Variants in DAB1 observed in about 807,000 individuals in gnomAD.
The protein encoded by DAB1 is DAB adaptor protein 1, also known as disabled homolog 1.
DAB1 carries 15 observed loss-of-function variants against 64.6 expected under a neutral mutation model. The observed-to-expected ratio is 0.23, with a 90% confidence interval of 0.16 to 0.36. DAB1 has a LOEUF of 0.36. Ranked by LOEUF, DAB1 falls within the 10% of genes least tolerant of loss-of-function variation. DAB1 has a pLI of 1.00. For missense variants in DAB1, 596 were observed against 706.7 expected (o/e 0.84, Z 1.78); for synonymous variants, 235 against 251.9 (o/e 0.93, Z 0.64).
chr1:58,179,416 A>C (rs1656659942), intron 4 of DAB1, among the ~76,000 whole-genome samples: 1 of 152,146 alleles, frequency 6.6e-6, no homozygotes, highest in Non-Finnish European at 1.5e-5. Flanking sequence ...ATTGGCATTA[A>C]TTCTTTTTTA....
chr1:57,312,498 G>A (rs185285901), intron 1 of DAB1, among the ~76,000 whole-genome samples: 159 of 152,260 alleles, frequency 1.0e-3, no homozygotes, highest in South Asian at 6.0e-3. Flanking sequence ...AGCAGATGCC[G>A]TCTACAATAA....
At chr1:57,941,987 A>C (rs1443608693) in intron 5 of DAB1, among the ~76,000 whole-genome samples, 1 of 152,206 alleles carries the variant, frequency 6.6e-6, no homozygotes, top group African/African-American at 2.4e-5. Flanking sequence ...CAGTTTTTTC[A>C]TCTGTAAAAT....
intron 7 of DAB1, among the ~76,000 whole-genome samples, chr1:57,616,564 G>A (rs1645792242): frequency 1.3e-5 from 2 of 152,080 alleles, no homozygotes; most frequent in South Asian, 2.1e-4. Flanking sequence ...ATAATGTTCT[G>A]TAGGTACTTA....
rs1656956326 is a variant in DAB1, at chr1:58,184,291, TATAAC to T, written n.310-33708_310-33704del. On this transcript the variant is annotated intron_variant and non_coding_transcript_variant, in intron 4 of 20. Coordinates refer to the DAB1 transcript ENST00000485760. ...TTTTAAAAATATATAACATATGATATATAACATAATAATATATATTAATAATATAT... is the reference window on the plus strand; with the variant it reads ...TTTTAAAAATATATAACATATGATATATAATAATATATATTAATAATATAT... Among the ~76,000 whole-genome samples, 9 of 148,406 alleles carry T rather than the reference TATAAC, an allele frequency of 6.1e-5. No homozygotes were observed. The South Asian group carries it at 1.9e-3, about 31-fold the overall frequency.
At chr1:58,534,819 C>T (rs1269566907) in intron 1 of DAB1, among the ~76,000 whole-genome samples, 1 of 152,086 alleles carries the variant, frequency 6.6e-6, no homozygotes, top group Non-Finnish European at 1.5e-5. Context: ...ACCTGTGTTC[C>T]CAGCTACATG....
intron 3 of DAB1, among the ~76,000 whole-genome samples, chr1:58,426,976 G>A (rs1472254195): frequency 6.6e-6 from 1 of 152,088 alleles, no homozygotes; most frequent in Non-Finnish European, 1.5e-5. Context: ...AAGAGGTGAG[G>A]GCATATTCAC....
chr1:58,416,274 T>C (rs1644719065), intron 3 of DAB1, among the ~76,000 whole-genome samples: 1 of 152,188 alleles, frequency 6.6e-6, no homozygotes, highest in Non-Finnish European at 1.5e-5. Flanking sequence ...GGGTTCAAGC[T>C]CTGAACCTAT....
intron 5 of DAB1, among the ~76,000 whole-genome samples, chr1:58,011,377 A>G (rs916502683): frequency 5.9e-5 from 9 of 152,198 alleles, no homozygotes; most frequent in South Asian, 2.1e-4. Context: ...TTCATCTTAA[A>G]TCAAGGCCTA....
chr1:57,750,554 G>T lies in DAB1; in HGVS notation n.552-100889C>A, dbSNP rs541237472. Among the ~76,000 whole-genome samples the T allele has an allele frequency of 2.6e-5, 4 of 152,188 alleles. No homozygotes were observed. In the East Asian group the frequency reaches 7.7e-4, roughly 29 times the overall value. ...TCAATGAAATAATAAATGTTAAAAG[G>T]TCTATCCCAGTCCCTAGATTGCATA... On this transcript the variant is annotated intron_variant and non_coding_transcript_variant, in intron 6 of 20. Coordinates refer to the DAB1 transcript ENST00000485760.
intron 2 of DAB1, among the ~76,000 whole-genome samples, chr1:57,224,065 T>A (rs1667083850): frequency 1.3e-5 from 2 of 152,166 alleles, no homozygotes; most frequent in African/African-American, 4.8e-5. Flanking sequence ...ACACTGCTAT[T>A]GCTAGTTTGT....
intron 3 of DAB1, among the ~76,000 whole-genome samples, chr1:57,144,609 G>T (rs1658930105): frequency 6.6e-6 from 1 of 151,474 alleles, no homozygotes; most frequent in Admixed American, 6.6e-5. Flanking sequence ...CAGGAGAATT[G>T]CTTGAACCCA....
intron 6 of DAB1, among the ~76,000 whole-genome samples, chr1:57,739,278 C>T (rs914443639): frequency 6.6e-6 from 1 of 152,020 alleles, no homozygotes; most frequent in Admixed American, 6.5e-5. Context: ...CCTGTGTGAA[C>T]CTGACTTCAC....
At chr1:57,687,889 C>A (rs1646719744) in intron 6 of DAB1, among the ~76,000 whole-genome samples, 1 of 152,072 alleles carries the variant, frequency 6.6e-6, no homozygotes, top group African/African-American at 2.4e-5. Flanking sequence ...ACTAGACCCA[C>A]TACTTTTCAG....
intron 11 of DAB1, among the ~76,000 whole-genome samples, chr1:57,016,998 C>T (rs1646456379): frequency 1.3e-5 from 2 of 152,184 alleles, no homozygotes; most frequent in African/African-American, 2.4e-5. Context: ...GGTTGTCTGT[C>T]CCCCCAAAGC....
intron 1 of DAB1, among the ~76,000 whole-genome samples, chr1:57,373,351 G>A (rs1047347220): frequency 6.6e-6 from 1 of 152,034 alleles, no homozygotes; most frequent in Non-Finnish European, 1.5e-5. Context: ...TAACGGGGCT[G>A]ATAGGCCAAG....
At chr1:57,763,888 C>T (rs546809837) in intron 6 of DAB1, among the ~76,000 whole-genome samples, 69 of 152,180 alleles carry the variant, frequency 4.5e-4, no homozygotes, top group African/African-American at 1.6e-3. Context: ...GTGAAGAGAA[C>T]CTCTCTGGCC....
chr1:57,215,795 G>C (rs182394629), intron 2 of DAB1, among the ~76,000 whole-genome samples: 1 of 152,154 alleles, frequency 6.6e-6, no homozygotes, highest in Non-Finnish European at 1.5e-5. Flanking sequence ...CATGAATTCA[G>C]ACTGGTGCTA....
chr1:58,532,457 T>C (rs900303663), intron 1 of DAB1, among the ~76,000 whole-genome samples: 2 of 150,602 alleles, frequency 1.3e-5, no homozygotes, highest in African/African-American at 2.5e-5. Context: ...ACTTGAAAGA[T>C]ATTAGAGTGC....
intron 2 of DAB1, among the ~76,000 whole-genome samples, chr1:57,224,292 C>T (rs1007654462): frequency 5.9e-5 from 9 of 152,184 alleles, no homozygotes; most frequent in Admixed American, 1.3e-4. Flanking sequence ...TAATTAATCT[C>T]ATTTTCCTTA....
Sources: allele counts gnomAD v4.1 joint callset (sites outside exome capture counted in the v4.1 genomes callset), GRCh38; gene constraint gnomAD v4.1.1; transcripts MANE v1.5; gene names NCBI Gene and HGNC (gene_info 2026-07-23, HGNC 2026-07-21).